PLXNA2: variants seen among roughly 807,000 people sequenced by gnomAD.
The protein encoded by PLXNA2 is plexin A2, also known as plexin-A2.
In PLXNA2, 91 loss-of-function variants were observed where a neutral mutation model predicts 193.5. The ratio of observed to expected loss-of-function variants is 0.47; its 90% CI spans 0.40 to 0.56. The LOEUF (loss-of-function observed/expected upper bound fraction) is 0.56. Ranked by LOEUF, PLXNA2 falls within the 20% of genes least tolerant of loss-of-function variation. PLXNA2 has a pLI of 0.00. For synonymous variants in PLXNA2, 997 were observed against 1,027.3 expected (o/e 0.97, Z 0.56); for missense variants, 1,995 against 2,503.2 (o/e 0.80, Z 4.33).
chr1:208,226,144 T>C (rs929676360), intron 1 of PLXNA2, among the ~76,000 whole-genome samples: 6 of 152,164 alleles, frequency 3.9e-5, no homozygotes, highest in African/African-American at 1.4e-4. Context: ...CCATGATAGC[T>C]TTGGGATGCG....
chr1:208,217,568 T>C lies in PLXNA2; in HGVS notation c.355A>G (p.Ile119Val). ...LTNNVNKLLIIDYSENRLLAC... is the reference protein window; with the variant it reads ...LTNNVNKLLIVDYSENRLLAC... ...AGCAGGCGGTTCTCAGAGTAGTCAA[T>C]GATGAGCAGCTTGTTGACATTGTTG... is the stretch of plus-strand genomic sequence containing the variant. The change falls in exon 2 of 32, where the codon ATT becomes GTT. Residue 119 changes from isoleucine to valine, a missense_variant. Transcript: ENST00000367033. This position sits in a 1 kb window ranked among gnomAD's most constrained non-coding sequence, Gnocchi z 4.7. 2 of 1,614,130 alleles carry C rather than the reference T, an allele frequency of 1.2e-6. No individual in the cohort carries two copies. The highest frequency in any genetic ancestry group is 1.1e-5 in the South Asian group (1 of 91,066).
Position 208,217,937 on chromosome 1 carries a change from C to CGGTG in PLXNA2, c.-19_-16dup. On this transcript the variant is annotated 5_prime_UTR_variant, in exon 2 of 32. Coordinates refer to ENST00000367033, the MANE Select transcript of PLXNA2 (RefSeq NM_025179.4). The surrounding 1 kb of genome is among the most constrained non-coding windows in gnomAD (Gnocchi z 4.7). ...CTCTGTTCCATGCTGAGAGGGGCGG[C>CGGTG]GGTGAGGAGACGGCTCCTGTGTGTG... is the stretch of plus-strand genomic sequence containing the variant. The CGGTG allele has an allele frequency of 1.9e-6, 3 of 1,604,594 alleles. No homozygotes were observed. The highest frequency in any genetic ancestry group is 1.7e-6 in the Non-Finnish European group (2 of 1,179,594).
chr1:208,141,175 C>T (rs146099108), intron 4 of PLXNA2, among the ~76,000 whole-genome samples: 1 of 152,352 alleles, frequency 6.6e-6, no homozygotes, highest in South Asian at 2.1e-4. Flanking sequence ...CATCTGTCCT[C>T]AAGAACTAAT....
chr1:208,174,068 C>T (rs1479298259), intron 3 of PLXNA2, among the ~76,000 whole-genome samples: 2 of 152,218 alleles, frequency 1.3e-5, no homozygotes, highest in Middle Eastern at 3.2e-3. Context: ...GGTTTTCTCC[C>T]TTGTGCCAAG....
At chr1:208,154,559 G>T (rs1472099310) in intron 3 of PLXNA2, among the ~76,000 whole-genome samples, 4 of 152,174 alleles carry the variant, frequency 2.6e-5, no homozygotes, top group Admixed American at 6.5e-5. Flanking sequence ...GCTACACTAG[G>T]GCCAACTCAA....
At chr1:208,129,795 G>T (rs1668093065) in intron 4 of PLXNA2, among the ~76,000 whole-genome samples, 1 of 152,200 alleles carries the variant, frequency 6.6e-6, no homozygotes, top group Non-Finnish European at 1.5e-5. Context: ...ATGTATGTGT[G>T]ATAGTGCAAG....
At position 208,082,084 on chromosome 1, in the gene PLXNA2, T is replaced by C. The variant is rs1018248117; in HGVS notation, c.2395+328A>G. Among the ~76,000 whole-genome samples the C allele has an allele frequency of 6.6e-6, 1 of 152,128 alleles. No individual in the cohort carries two copies. The highest frequency in any genetic ancestry group is 1.5e-5 in the Non-Finnish European group (1 of 68,038). On this transcript the variant is annotated intron_variant, in intron 11 of 31. Coordinates refer to ENST00000367033, the MANE Select transcript of PLXNA2 (RefSeq NM_025179.4). This position sits in a 1 kb window ranked among gnomAD's most constrained non-coding sequence, Gnocchi z 4.2. ...AACAAGAGCCTGACTGGAAACAATA[T>C]CTCCATTTCCAGGGAAACTAGCCGG...
intron 13 of PLXNA2, among the ~76,000 whole-genome samples, chr1:208,058,513 C>G (rs1665515039): frequency 6.6e-6 from 1 of 152,208 alleles, no homozygotes; most frequent in Admixed American, 6.5e-5. Flanking sequence ...GTGCCTGCTG[C>G]TCACTGCCCG....
At chr1:208,219,656 G>A (rs937392447) in intron 1 of PLXNA2, among the ~76,000 whole-genome samples, 1 of 152,164 alleles carries the variant, frequency 6.6e-6, no homozygotes, top group Non-Finnish European at 1.5e-5. Flanking sequence ...CTTTAGGAAC[G>A]ACCCTTCCTC....
intron 1 of PLXNA2, among the ~76,000 whole-genome samples, chr1:208,226,384 G>A (rs528598998): frequency 6.6e-5 from 10 of 151,570 alleles, no homozygotes; most frequent in Admixed American, 1.3e-4. Flanking sequence ...GGCTCTGATC[G>A]AGCCCTGGAA....
chr1:208,195,664 TA>T (rs1670335455), intron 3 of PLXNA2, among the ~76,000 whole-genome samples: 4 of 110,284 alleles, frequency 3.6e-5, no homozygotes, highest in South Asian at 3.3e-4. Flanking sequence ...GGGGGGGGGT[TA>T]GGGGTGGGCA....
intron 1 of PLXNA2, among the ~76,000 whole-genome samples, chr1:208,223,540 G>C (rs1163188687): frequency 6.6e-6 from 1 of 152,186 alleles, no homozygotes; most frequent in African/African-American, 2.4e-5. Flanking sequence ...CGGATTAAGG[G>C]GCAGAATGAA....
intron 3 of PLXNA2, among the ~76,000 whole-genome samples, chr1:208,175,803 G>A (rs1204838504): frequency 1.3e-5 from 2 of 152,214 alleles, no homozygotes; most frequent in Non-Finnish European, 2.9e-5. Flanking sequence ...GTCTTCCTAA[G>A]AGAGTGCCTC....
intron 22 of PLXNA2, among the ~76,000 whole-genome samples, chr1:208,040,925 A>G (rs1664847740): frequency 6.6e-6 from 1 of 152,196 alleles, no homozygotes; most frequent in African/African-American, 2.4e-5. Context: ...CCCTCAGTGA[A>G]GGGGATGCCG....
At chr1:208,151,525 T>C (rs1668761697) in intron 3 of PLXNA2, among the ~76,000 whole-genome samples, 1 of 152,162 alleles carries the variant, frequency 6.6e-6, no homozygotes, top group South Asian at 2.1e-4. Flanking sequence ...GAAATGCCTG[T>C]CTCACTCCTC....
chr1:208,057,588 GC>G (rs950173259), intron 13 of PLXNA2, among the ~76,000 whole-genome samples: 1 of 152,180 alleles, frequency 6.6e-6, no homozygotes, highest in African/African-American at 2.4e-5. Flanking sequence ...TTGCAAGTCA[GC>G]AAGGTTGGTT....
At position 208,236,731 on chromosome 1, in the gene PLXNA2, C is replaced by T. The variant is rs573436233; in HGVS notation, c.-81+6912G>A. On this transcript the variant is annotated intron_variant, in intron 1 of 31. Coordinates refer to ENST00000367033, the MANE Select transcript of PLXNA2 (RefSeq NM_025179.4). The surrounding 1 kb of genome is among the most constrained non-coding windows in gnomAD (Gnocchi z 4.4). Reference sequence around the variant, plus strand: ...CCCTGTTCCACCACCAGAGCAGAAGCGGAAATGACGGCTAGGAAAGGCTCT... The same window carrying T: ...CCCTGTTCCACCACCAGAGCAGAAGTGGAAATGACGGCTAGGAAAGGCTCT... Among the ~76,000 whole-genome samples the T allele has an allele frequency of 5.7e-4, 87 of 152,318 alleles. No individual in the cohort carries two copies. The highest frequency in any genetic ancestry group is 1.8e-3 in the African/African-American group (75 of 41,576).
At chr1:208,192,835 C>T (rs1164661591) in intron 3 of PLXNA2, among the ~76,000 whole-genome samples, 3 of 149,802 alleles carry the variant, frequency 2.0e-5, no homozygotes, top group Admixed American at 6.7e-5. Flanking sequence ...TGCAGTGAGC[C>T]GAGATTGCAC....
intron 1 of PLXNA2, among the ~76,000 whole-genome samples, chr1:208,243,208 G>T (rs1464253335): frequency 1.3e-5 from 2 of 152,084 alleles, no homozygotes; most frequent in African/African-American, 4.8e-5. Flanking sequence ...CCCCCAAATC[G>T]ATCGCTGGCC....
Sources: gnomAD v4.1 joint callset for allele counts (sites outside exome capture counted in the v4.1 genomes callset) on GRCh38, gnomAD v4.1.1 for gene constraint, Gnocchi (gnomAD v3.1) non-coding constraint, MANE v1.5 for transcripts, NCBI Gene and HGNC (gene_info 2026-07-23, HGNC 2026-07-21) for gene names.